The following MBOAT1 variants were observed in gnomAD, a reference collection of about 807,000 sequenced individuals.
The protein encoded by MBOAT1 is membrane bound glycerophospholipid O-acyltransferase 1.
In MBOAT1, 67 loss-of-function variants were observed where a neutral mutation model predicts 64.4. The ratio of observed to expected loss-of-function variants is 1.04; its 90% CI spans 0.85 to 1.27. The LOEUF is 1.27. Among genes scored for constraint, MBOAT1 ranks in the 50% most tolerant of loss-of-function variants. The pLI, the probability that MBOAT1 is intolerant of heterozygous loss-of-function variation, is 0.00. For synonymous variants in MBOAT1, 229 were observed against 218.9 expected, an observed-to-expected ratio of 1.05 and a Z score of -0.41; for missense variants, 563 against 604.6, an observed-to-expected ratio of 0.93 and a Z score of 0.72.
At chr6:20,185,242 C>A (rs568313532) in intron 1 of MBOAT1, among the ~76,000 whole-genome samples, 2 of 152,200 alleles carry the variant, frequency 1.3e-5, no homozygotes, top group East Asian at 1.9e-4. Flanking sequence ...AGTGACAGAG[C>A]AAGACCCTGA....
At chr6:20,130,134 A>G (rs1446333508) in intron 5 of MBOAT1, among the ~76,000 whole-genome samples, 1 of 152,200 alleles carries the variant, frequency 6.6e-6, no homozygotes, top group Non-Finnish European at 1.5e-5. Context: ...TGCTTGTTAG[A>G]GCAGTACAAA....
At chr6:20,102,529 C>CGACCA in intron 12 of MBOAT1, 117 bp from the exon 13 acceptor site, 11 of 763,374 alleles carry the variant, frequency 1.4e-5, no homozygotes, top group South Asian at 5.6e-5. Context: ...CAGTAGGAGG[C>CGACCA]CTGTCTACAC....
intron 1 of MBOAT1, among the ~76,000 whole-genome samples, chr6:20,186,094 G>A (rs1452144063): frequency 2.0e-5 from 3 of 152,154 alleles, no homozygotes; most frequent in Non-Finnish European, 2.9e-5. Context: ...GAGGCTGGAT[G>A]ATCGCTTGAG....
rs139539534 is a variant in MBOAT1 at position 20,161,203 on chromosome 6, G to T, written c.100-8434C>A. Among the ~76,000 whole-genome samples, 334 of 152,114 alleles carry T rather than the reference G, an allele frequency of 2.2e-3. 1 individual carries two copies. The highest frequency in any genetic ancestry group is 7.7e-3 in the African/African-American group (321 of 41,488). On this transcript the variant is annotated intron_variant, in intron 1 of 12. Transcript: ENST00000324607. ...CCTATGGTGAACCATGCATGCCAGG[G>T]ATGTAGGCTGCCGCTCCTTATAAGA...
intron 9 of MBOAT1, among the ~76,000 whole-genome samples, chr6:20,115,645 A>T (rs540140019): frequency 3.9e-5 from 6 of 152,196 alleles, no homozygotes; most frequent in African/African-American, 9.7e-5. Context: ...TCTGGTTAAA[A>T]TTTTTTAAGC....
intron 1 of MBOAT1, among the ~76,000 whole-genome samples, chr6:20,176,307 A>G (rs1762340513): frequency 6.6e-6 from 1 of 152,010 alleles, no homozygotes; most frequent in Admixed American, 6.6e-5. Flanking sequence ...ATTACAACCT[A>G]TATCATACAG....
At chr6:20,166,704 G>C (rs185299244) in intron 1 of MBOAT1, among the ~76,000 whole-genome samples, 1 of 152,120 alleles carries the variant, frequency 6.6e-6, no homozygotes, top group Non-Finnish European at 1.5e-5. Flanking sequence ...TTGGGAGGCC[G>C]AGGCGGGAGG....
intron 12 of MBOAT1, among the ~76,000 whole-genome samples, chr6:20,103,026 T>C (rs189373557): frequency 2.2e-3 from 331 of 152,366 alleles, no homozygotes; most frequent in African/African-American, 7.7e-3. Flanking sequence ...TGAATGATTA[T>C]GTAACTGGTT....
At chr6:20,157,241 T>C (rs911440134) in intron 1 of MBOAT1, among the ~76,000 whole-genome samples, 8 of 152,176 alleles carry the variant, frequency 5.3e-5, no homozygotes, top group African/African-American at 1.9e-4. Flanking sequence ...TGGAGAGCTA[T>C]GATCATGCCA....
rs1313745194 is a variant in MBOAT1, at chr6:20,101,014, A to G, written c.*1272T>C. 1.3e-5 allele frequency among the ~76,000 whole-genome samples: 2 copies of G among 152,230 alleles called. No individual in the cohort carries two copies. The highest frequency in any genetic ancestry group is 4.8e-5 in the African/African-American group (2 of 41,464). ...TAAAACAAAGCTGAATTTCTCAGCTATGAAACTGAAAAAATGAAAATCAGC... is the reference window on the plus strand; with the variant it reads ...TAAAACAAAGCTGAATTTCTCAGCTGTGAAACTGAAAAAATGAAAATCAGC... On this transcript the variant is annotated 3_prime_UTR_variant, in exon 13 of 13. Coordinates refer to ENST00000324607, the MANE Select transcript of MBOAT1 (RefSeq NM_001080480.3).
chr6:20,134,780 G>C (rs1760927731), intron 4 of MBOAT1, among the ~76,000 whole-genome samples: 1 of 152,034 alleles, frequency 6.6e-6, no homozygotes, highest in Admixed American at 6.6e-5. Flanking sequence ...ACTAAGACTT[G>C]AGAATCAAAT....
chr6:20,153,219 G>C (rs987109428), intron 1 of MBOAT1, among the ~76,000 whole-genome samples: 1 of 152,298 alleles, frequency 6.6e-6, no homozygotes, highest in South Asian at 2.1e-4. Flanking sequence ...GTTTGGAAGA[G>C]GAAATGAATG....
At chr6:20,181,772 G>C (rs552101206) in intron 1 of MBOAT1, among the ~76,000 whole-genome samples, 11 of 152,244 alleles carry the variant, frequency 7.2e-5, no homozygotes, top group Non-Finnish European at 1.2e-4. Flanking sequence ...ATCGTTCTAA[G>C]TGGAGACTGT....
intron 5 of MBOAT1, among the ~76,000 whole-genome samples, chr6:20,129,197 A>G (rs1760745414): frequency 6.6e-6 from 1 of 152,212 alleles, no homozygotes; most frequent in Admixed American, 6.5e-5. Context: ...TGGTTGTGGG[A>G]CATAATGGAA....
At chr6:20,110,515 C>T (rs980452581) in intron 11 of MBOAT1, among the ~76,000 whole-genome samples, 2 of 151,520 alleles carry the variant, frequency 1.3e-5, no homozygotes, top group African/African-American at 2.4e-5. Flanking sequence ...TGTGCCTGGC[C>T]AATTTTTCTT....
intron 7 of MBOAT1, 139 bp downstream of exon 7, chr6:20,126,378 C>G: frequency 1.4e-6 from 1 of 739,132 alleles, no homozygotes; most frequent in Non-Finnish European, 2.2e-6. Flanking sequence ...AAATAAGTAA[C>G]TATACTGGTA....
At chr6:20,153,595 T>C (rs1761591183) in intron 1 of MBOAT1, among the ~76,000 whole-genome samples, 1 of 152,208 alleles carries the variant, frequency 6.6e-6, no homozygotes, top group Non-Finnish European at 1.5e-5. Flanking sequence ...AATGCAGGAC[T>C]TACAACAATG....
At chr6:20,172,375 G>A (rs1762221188) in intron 1 of MBOAT1, among the ~76,000 whole-genome samples, 1 of 152,164 alleles carries the variant, frequency 6.6e-6, no homozygotes, top group South Asian at 2.1e-4. Context: ...GTTGCAGTGA[G>A]CCATGATCGC....
chr6:20,148,662 G>A (rs1761399835), intron 3 of MBOAT1, among the ~76,000 whole-genome samples: 1 of 152,154 alleles, frequency 6.6e-6, no homozygotes, highest in South Asian at 2.1e-4. Context: ...CTACTAGGAG[G>A]ATCTTGATTT....
Sources: gnomAD v4.1 joint callset for allele counts (sites outside exome capture counted in the v4.1 genomes callset) on GRCh38, gnomAD v4.1.1 for gene constraint, MANE v1.5 for transcripts, NCBI Gene and HGNC (gene_info 2026-07-23, HGNC 2026-07-21) for gene names.